The following PLBD1 variants were observed in gnomAD, a reference collection of about 807,000 sequenced individuals.
PLBD1 encodes the protein lysosomal leucine aminopeptidase.
Under a neutral mutation model 63.0 loss-of-function variants are expected in PLBD1, and 60 were observed. The ratio of observed to expected loss-of-function variants is 0.95; its 90% confidence interval spans 0.77 to 1.18. PLBD1 has a LOEUF of 1.18. PLBD1 is among the 50% of genes most tolerant of loss of function. The pLI is 0.00. For missense variants in PLBD1, 598 were observed against 677.9 expected (o/e 0.88, Z 1.31); for synonymous variants, 262 against 248.0 (o/e 1.06, Z -0.53).
rs903657494 is a variant in PLBD1, at chr12:14,567,714, C to T, written c.-18G>A. The T allele has an allele frequency of 7.1e-7, 1 of 1,413,926 alleles. No individual in the cohort carries two copies. Among genetic ancestry groups the T allele is most frequent in the Admixed American group, 3.4e-5 (1 of 29,114 alleles). The allele number at this position is 1,413,926 out of a possible 1,614,324, so 87.6% of individuals were successfully genotyped here. Reference sequence around the variant, plus strand: ...CGGGTCATCGCTCCACGGCCGCGACCTTCCTCTGCGGGATCAGGCGGCCGC... The same window carrying T: ...CGGGTCATCGCTCCACGGCCGCGACTTTCCTCTGCGGGATCAGGCGGCCGC... On this transcript the variant is annotated 5_prime_UTR_variant, in exon 1 of 11. Transcript: ENST00000240617.
intron 6 of PLBD1, among the ~76,000 whole-genome samples, chr12:14,534,041 G>A (rs2136919090): frequency 6.6e-6 from 1 of 152,290 alleles, no homozygotes; most frequent in Admixed American, 6.5e-5. Flanking sequence ...TCAACTACTT[G>A]GGAGGCTGAG....
At chr12:14,563,181 G>C (rs1449641828) in intron 1 of PLBD1, among the ~76,000 whole-genome samples, 1 of 152,102 alleles carries the variant, frequency 6.6e-6, no homozygotes, top group Non-Finnish European at 1.5e-5. Context: ...AATTTATCTT[G>C]TGTACATTAT....
intron 2 of PLBD1, among the ~76,000 whole-genome samples, chr12:14,551,402 TA>T (rs1945658339): frequency 6.6e-6 from 1 of 152,198 alleles, no homozygotes; most frequent in Non-Finnish European, 1.5e-5. Context: ...GAAGTATTTT[TA>T]AAAAGTTATT....
At chr12:14,506,113 AG>A (rs750448495) in intron 10 of PLBD1, 48 bp downstream of exon 10, 59 of 1,314,008 alleles carry the variant, frequency 4.5e-5, no homozygotes, top group Non-Finnish European at 6.2e-5. Context: ...GCCTTTGGAG[AG>A]GCCTGTGTGC....
intron 6 of PLBD1, among the ~76,000 whole-genome samples, chr12:14,514,547 G>A (rs1213183836): frequency 1.3e-5 from 2 of 152,118 alleles, no homozygotes; most frequent in East Asian, 3.8e-4. Flanking sequence ...CAGGATGATG[G>A]AAATATATAG....
intron 6 of PLBD1, among the ~76,000 whole-genome samples, chr12:14,524,523 A>G (rs1370934469): frequency 6.6e-6 from 1 of 152,214 alleles, no homozygotes; most frequent in East Asian, 1.9e-4. Context: ...CCACATTTCA[A>G]CCAAAAATTA....
intron 8 of PLBD1, among the ~76,000 whole-genome samples, chr12:14,509,782 A>G (rs1330613351): frequency 2.0e-5 from 3 of 152,150 alleles, no homozygotes; most frequent in Non-Finnish European, 4.4e-5. Context: ...CTTCCCACCC[A>G]GTCTATTCTC....
At position 14,567,638 on chromosome 12, in the gene PLBD1, AG is replaced by A; in HGVS notation, c.58del (p.Leu20CysfsTer10). ...PGLPQPPPLL[L>X]LLLLLPLLLV... is the part of the protein sequence containing the mutation. Reference sequence around the variant, plus strand: ...CAACAGCGGCAGCAGCAGCAGCAGCAGCAGAAGCGGTGGCGGCTGTGGCAGC... The same window carrying A: ...CAACAGCGGCAGCAGCAGCAGCAGCACAGAAGCGGTGGCGGCTGTGGCAGC... On this transcript the variant is annotated frameshift_variant, in exon 1 of 11. Coordinates refer to ENST00000240617, the MANE Select transcript of PLBD1 (RefSeq NM_024829.6). LOFTEE classifies it high-confidence loss of function. 2.7e-6 allele frequency: 4 copies of A among 1,498,662 alleles called. No individual in the cohort carries two copies. Among genetic ancestry groups the A allele is most frequent in the Non-Finnish European group, 3.5e-6 (4 of 1,131,852 alleles). 92.8% of individuals were successfully genotyped at this position (1,498,662 alleles called of 1,614,324 possible).
chr12:14,507,440 T>C (rs1459274757), intron 8 of PLBD1, among the ~76,000 whole-genome samples: 2 of 152,144 alleles, frequency 1.3e-5, no homozygotes, highest in African/African-American at 2.4e-5. Context: ...TAAAGTATAA[T>C]GCAAGGTGGT....
At chr12:14,567,104 A>G (rs998289711) in intron 1 of PLBD1, among the ~76,000 whole-genome samples, 4 of 152,174 alleles carry the variant, frequency 2.6e-5, no homozygotes, top group African/African-American at 9.7e-5. Flanking sequence ...CAACAACAAC[A>G]ACAAAACCAA....
intron 5 of PLBD1, 141 bp from the exon 6 acceptor site, chr12:14,535,944 G>A (rs1945510568): frequency 1.2e-6 from 1 of 813,780 alleles, no homozygotes; most frequent in Middle Eastern, 2.4e-4. Context: ...ATATGGCCAA[G>A]GAGTCAAGAT....
At chr12:14,532,717 T>C (rs1031781934) in intron 6 of PLBD1, among the ~76,000 whole-genome samples, 27 of 152,200 alleles carry the variant, frequency 1.8e-4, no homozygotes, top group African/African-American at 6.5e-4. Context: ...CGTTGCTTTC[T>C]GGACTCAGAG....
intron 1 of PLBD1, among the ~76,000 whole-genome samples, chr12:14,565,833 A>C (rs373085046): frequency 1.2e-4 from 18 of 152,174 alleles, no homozygotes; most frequent in African/African-American, 4.1e-4. Context: ...GTAAGTAAGA[A>C]TCCTTTCCAG....
chr12:14,516,855 A>G (rs1384843126), intron 6 of PLBD1, among the ~76,000 whole-genome samples: 1 of 152,000 alleles, frequency 6.6e-6, no homozygotes, highest in Non-Finnish European at 1.5e-5. Flanking sequence ...CCTGGCCAGC[A>G]TGGAGAAACC....
At chr12:14,535,171 T>C (rs181483843) in intron 6 of PLBD1, among the ~76,000 whole-genome samples, 4 of 152,348 alleles carry the variant, frequency 2.6e-5, no homozygotes, top group Admixed American at 6.5e-5. Context: ...CTCTTGAGTA[T>C]AGTGTAAGGT....
rs186870042 is a variant in PLBD1 at position 14,537,313 on chromosome 12, T to C, written c.559-603A>G. ...GCAGTGCTTCTCAACCTTGGCACTA[T>C]TGACATTTTGAGCTGGCCGATACTT... On this transcript the variant is annotated intron_variant, in intron 4 of 10. Transcript: ENST00000240617. Among the ~76,000 whole-genome samples, 400 of 152,194 alleles carry C rather than the reference T, an allele frequency of 2.6e-3. 2 individuals carry two copies. The highest frequency in any genetic ancestry group is 9.1e-3 in the African/African-American group (380 of 41,534).
intron 6 of PLBD1, among the ~76,000 whole-genome samples, chr12:14,523,292 G>C (rs1256572349): frequency 6.6e-6 from 1 of 152,052 alleles, no homozygotes; most frequent in East Asian, 1.9e-4. Flanking sequence ...GCGGGTGAAA[G>C]ATCTCTATGA....
At chr12:14,556,583 G>T (rs952494313) in intron 1 of PLBD1, among the ~76,000 whole-genome samples, 3 of 151,686 alleles carry the variant, frequency 2.0e-5, no homozygotes, top group African/African-American at 7.3e-5. Flanking sequence ...TGGTCAGGCT[G>T]GTCTCGAACT....
chr12:14,514,254 C>A (rs1200958819), intron 6 of PLBD1, among the ~76,000 whole-genome samples: 1 of 152,184 alleles, frequency 6.6e-6, no homozygotes, highest in Non-Finnish European at 1.5e-5. Flanking sequence ...TATGGCTTGA[C>A]AGAGTGTAAA....
Sources: allele counts gnomAD v4.1 joint callset (sites outside exome capture counted in the v4.1 genomes callset), GRCh38; gene constraint gnomAD v4.1.1; transcripts MANE v1.5; gene names NCBI Gene and HGNC (gene_info 2026-07-23, HGNC 2026-07-21).